NHSL1: variants seen among roughly 807,000 people sequenced by gnomAD.
The protein encoded by NHSL1 is NHS-like protein 1.
In NHSL1, 48 loss-of-function variants were observed where a neutral mutation model predicts 95.0. That is an observed-to-expected ratio of 0.51 (90% CI 0.40 to 0.64). NHSL1 has a LOEUF of 0.64. NHSL1 is among the 30% of genes least tolerant of loss of function. The pLI is 0.00. For synonymous variants in NHSL1, 783 were observed against 833.9 expected (o/e 0.94, Z 1.05); for missense variants, 1,971 against 2,077.7 (o/e 0.95, Z 1.00).
chr6:138,613,762 GC>G (rs1348720275), intron 1 of NHSL1, among the ~76,000 whole-genome samples: 1 of 152,174 alleles, frequency 6.6e-6, no homozygotes, highest in Admixed American at 6.5e-5. Context: ...AAGTCCCTGG[GC>G]AGTAATAGGA....
At chr6:138,426,450 A>C (rs1775266872) in intron 7 of NHSL1, among the ~76,000 whole-genome samples, 1 of 152,208 alleles carries the variant, frequency 6.6e-6, no homozygotes, top group African/African-American at 2.4e-5. Flanking sequence ...TGGACAAGTT[A>C]ACATTTCTGA....
intron 1 of NHSL1, among the ~76,000 whole-genome samples, chr6:138,594,343 C>T (rs1025999519): frequency 1.3e-5 from 2 of 152,078 alleles, no homozygotes; most frequent in African/African-American, 4.8e-5. Flanking sequence ...GAACTCAATC[C>T]TTGAGAGCTT....
chr6:138,572,526 G>C (rs548193608), exon 1 of NHSL1: 1 of 152,386 alleles, frequency 6.6e-6, no homozygotes, highest in Non-Finnish European at 1.5e-5. Flanking sequence ...TCTCCTTCCC[G>C]TCTGTGAAGC....
At chr6:138,602,172 C>T (rs1049466754) in intron 1 of NHSL1, among the ~76,000 whole-genome samples, 1 of 152,158 alleles carries the variant, frequency 6.6e-6, no homozygotes, top group Non-Finnish European at 1.5e-5. Context: ...GAATTGATAT[C>T]TTTACTATGG....
At chr6:138,642,895 G>C (rs142562090) in intron 1 of NHSL1, among the ~76,000 whole-genome samples, 2 of 152,138 alleles carry the variant, frequency 1.3e-5, no homozygotes, top group Non-Finnish European at 2.9e-5. Context: ...ATAATTAAAG[G>C]GTAACCATTC....
chr6:138,443,062 CATAT>C lies in NHSL1; in HGVS notation c.533-952_533-949del, dbSNP rs59676999. Among the ~76,000 whole-genome samples, 692 of 145,240 alleles carry C rather than the reference CATAT, an allele frequency of 4.8e-3. 6 individuals carry two copies. The highest frequency in any genetic ancestry group is 0.017 in the African/African-American group (647 of 37,206). ...ATATATATACATATATACACACACA[CATAT>C]ATATATATACACACACACACATTAA... On this transcript the variant is annotated intron_variant, in intron 4 of 7. Transcript: ENST00000343505.
chr6:138,450,373 A>C (rs1777151157), intron 3 of NHSL1, among the ~76,000 whole-genome samples: 1 of 152,238 alleles, frequency 6.6e-6, no homozygotes, highest in Non-Finnish European at 1.5e-5. Flanking sequence ...TAAAGCTTGA[A>C]GGCAGTAAGA....
In NHSL1 at chr6:138,691,160, C is replaced by A. The variant is rs557848903; in HGVS notation, c.96+1316G>T. 3.3e-3 allele frequency among the ~76,000 whole-genome samples: 501 copies of A among 152,324 alleles called. 3 individuals are homozygous for A. Among genetic ancestry groups the A allele is most frequent in the Middle Eastern group, 0.01 (3 of 294 alleles). On this transcript the variant is annotated intron_variant, in intron 1 of 3. Coordinates refer to the NHSL1 transcript ENST00000491526. ...CTACCATATGCATGAAGTCATCACT[C>A]ACATTAAGTAGATATATTCTGATTA... is the stretch of plus-strand genomic sequence containing the variant.
rs560841476 is a variant in NHSL1, at chr6:138,565,063, A to G, written c.202+6647T>C. On this transcript the variant is annotated intron_variant, in intron 1 of 6. Coordinates refer to the NHSL1 transcript ENST00000427025. ...TGATGTAAGCTCCATTCTGTAGGCA[A>G]TGGGGAGCTACAGAAAGGTGATCCA... 9.2e-5 allele frequency among the ~76,000 whole-genome samples: 14 copies of G among 152,254 alleles called. No homozygotes were observed. The East Asian group carries it at 2.5e-3, about 27-fold the overall frequency.
intron 1 of NHSL1, 73 bp downstream of exon 1, chr6:138,499,160 G>T (rs12213346): frequency 2.5e-6 from 1 of 406,864 alleles, no homozygotes; most frequent in Non-Finnish European, 3.9e-6. Flanking sequence ...CACACACACA[G>T]ACACACAGGG....
intron 1 of NHSL1, among the ~76,000 whole-genome samples, chr6:138,629,730 C>T (rs1784792284): frequency 6.6e-6 from 1 of 152,192 alleles, no homozygotes; most frequent in South Asian, 2.1e-4. Context: ...ATTTAATGCA[C>T]AGATTTAGTT....
chr6:138,475,247 T>G (rs2128250685), intron 2 of NHSL1, among the ~76,000 whole-genome samples: 1 of 151,148 alleles, frequency 6.6e-6, no homozygotes, highest in Non-Finnish European at 1.5e-5. Context: ...TGAGACAGGG[T>G]CTTACTCTGT....
chr6:138,530,011 G>C (rs1782070275), intron 1 of NHSL1, among the ~76,000 whole-genome samples: 1 of 152,112 alleles, frequency 6.6e-6, no homozygotes, highest in South Asian at 2.1e-4. Context: ...AATTCCAGAA[G>C]ACTCAAACAG....
chr6:138,489,466 T>C (rs1779901705), intron 2 of NHSL1, among the ~76,000 whole-genome samples: 1 of 152,126 alleles, frequency 6.6e-6, no homozygotes, highest in South Asian at 2.1e-4. Context: ...CCTGGACTTC[T>C]GTTAGAAAAC....
At chr6:138,572,420 C>T (rs77365064) in exon 1 of NHSL1, 13,060 of 153,502 alleles carry the variant, frequency 0.085, 539 homozygotes, top group Middle Eastern at 0.14. Context: ...AGCCAGGCAC[C>T]CAGTTTACAG....
At chr6:138,585,104 A>C (rs1784113112) in intron 1 of NHSL1, among the ~76,000 whole-genome samples, 1 of 152,170 alleles carries the variant, frequency 6.6e-6, no homozygotes, top group Admixed American at 6.5e-5. Flanking sequence ...TCAGTAACTG[A>C]TAGGTTATTT....
At chr6:138,516,120 G>T (rs1302787591) in intron 1 of NHSL1, among the ~76,000 whole-genome samples, 1 of 152,226 alleles carries the variant, frequency 6.6e-6, no homozygotes, top group Admixed American at 6.5e-5. Context: ...GGCTTCGGCT[G>T]TTTCTGCTGC....
chr6:138,441,943 G>C, intron 5 of NHSL1, 40 bp downstream of exon 5: 1 of 1,523,844 alleles, frequency 6.6e-7, no homozygotes, highest in South Asian at 1.3e-5. Context: ...AGGCCGAGCA[G>C]CAGTGAAGGG....
rs142999742 is a variant in NHSL1, at chr6:138,454,374, T to C, written c.340-7181A>G. On this transcript the variant is annotated intron_variant, in intron 3 of 7. Transcript: ENST00000343505. Reference sequence around the variant, plus strand: ...GTACTAATTTATTCACATTTTTTATTGATGGACAATTGGGTTGTAAAAGAT... The same window carrying C: ...GTACTAATTTATTCACATTTTTTATCGATGGACAATTGGGTTGTAAAAGAT... 3.6e-3 allele frequency among the ~76,000 whole-genome samples: 546 copies of C among 152,326 alleles called. 3 individuals carry two copies. The highest frequency in any genetic ancestry group is 0.013 in the African/African-American group (523 of 41,562).
Sources: gnomAD v4.1 joint callset for allele counts (sites outside exome capture counted in the v4.1 genomes callset) on GRCh38, gnomAD v4.1.1 for gene constraint, MANE v1.5 for transcripts, NCBI Gene and HGNC (gene_info 2026-07-23, HGNC 2026-07-21) for gene names.